Variants in SLC2A1 observed in about 807,000 individuals in gnomAD.
SLC2A1 encodes solute carrier family 2 member 1, also known as solute carrier family 2, facilitated glucose transporter member 1.
SLC2A1 carries 4 observed loss-of-function variants against 46.6 expected under a neutral mutation model. The ratio of observed to expected loss-of-function variants is 0.09; its 90% confidence interval spans 0.04 to 0.20. The LOEUF is 0.20. Among genes scored for constraint, SLC2A1 ranks in the 10% least tolerant of loss-of-function variants. SLC2A1 has a pLI of 1.00. For missense variants in SLC2A1, 352 were observed against 667.0 expected, an observed-to-expected ratio of 0.53 and a Z score of 5.20; for synonymous variants, 253 against 270.0, an observed-to-expected ratio of 0.94 and a Z score of 0.62.
chr1:42,958,864 C>T lies in SLC2A1; in HGVS notation c.-213G>A, dbSNP rs922494148. 2.4e-5 allele frequency: 13 copies of T among 546,770 alleles called. No individual in the cohort carries two copies. Among genetic ancestry groups the T allele is most frequent in the Middle Eastern group, 3.2e-4 (1 of 3,110 alleles). 33.9% of individuals were successfully genotyped at this position (546,770 alleles called of 1,614,324 possible). A position where few individuals can be genotyped will look rare whatever the true frequency, so the allele number is the denominator to read the frequency against. Reference sequence around the variant, plus strand: ...CACGCTCGCTGTTGCTACCTCTTGCCTCTTGCCAGAGAGCGCGCGGACCGT... The same window carrying T: ...CACGCTCGCTGTTGCTACCTCTTGCTTCTTGCCAGAGAGCGCGCGGACCGT... On this transcript the variant is annotated 5_prime_UTR_variant, in exon 1 of 10. Transcript: ENST00000426263.
At chr1:42,956,738 T>C (rs900229146) in intron 1 of SLC2A1, among the ~76,000 whole-genome samples, 3 of 152,246 alleles carry the variant, frequency 2.0e-5, no homozygotes, top group African/African-American at 7.2e-5. Flanking sequence ...TAGAACCAGC[T>C]GGCACAAGGG....
chr1:42,947,581 C>CAAAAAAAA (rs144784155), intron 1 of SLC2A1, among the ~76,000 whole-genome samples: 4 of 55,824 alleles, frequency 7.2e-5, no homozygotes, highest in African/African-American at 1.8e-4. Flanking sequence ...CACACACACA[C>CAAAAAAAA]AAAAAAAAAA....
rs953609680 is a variant in SLC2A1, at chr1:42,941,644, C to A, written c.114+1582G>T. Among the ~76,000 whole-genome samples the A allele has an allele frequency of 1.1e-4, 17 of 152,326 alleles. No homozygotes were observed. The East Asian group carries it at 1.4e-3, about 12-fold the overall frequency. On this transcript the variant is annotated intron_variant, in intron 2 of 9. Transcript: ENST00000426263. ...GGAAGCTTTTAATTGAATGCCCAAA[C>A]AGCATCCCAGACCAATTAAATCAGA...
intron 2 of SLC2A1, among the ~76,000 whole-genome samples, chr1:42,941,430 GCTTT>G (rs1643596832): frequency 6.6e-6 from 1 of 152,138 alleles, no homozygotes; most frequent in African/African-American, 2.4e-5. Flanking sequence ...TGAATGCCAG[GCTTT>G]CTGTCTTCTG....
chr1:42,940,570 T>C (rs1215596802), intron 2 of SLC2A1, among the ~76,000 whole-genome samples: 1 of 151,204 alleles, frequency 6.6e-6, no homozygotes, highest in African/African-American at 2.4e-5. Context: ...TTTCTAGCAA[T>C]GGGTTGTTCT....
At chr1:42,949,321 A>G (rs1643696095) in intron 1 of SLC2A1, among the ~76,000 whole-genome samples, 1 of 152,212 alleles carries the variant, frequency 6.6e-6, no homozygotes, top group Non-Finnish European at 1.5e-5. Flanking sequence ...CTGCTGTAAC[A>G]TCGGCACTTG....
At chr1:42,953,325 T>C (rs1416484283) in intron 1 of SLC2A1, among the ~76,000 whole-genome samples, 6 of 152,240 alleles carry the variant, frequency 3.9e-5, no homozygotes, top group Admixed American at 2.0e-4. Flanking sequence ...CTAATGTTTA[T>C]GCATCAGCTA....
intron 1 of SLC2A1, among the ~76,000 whole-genome samples, chr1:42,957,409 C>G (rs1452622521): frequency 1.3e-5 from 2 of 152,286 alleles, no homozygotes; most frequent in South Asian, 2.1e-4. Flanking sequence ...AGCGCCACCC[C>G]GCTCAGTCTC....
intron 1 of SLC2A1, among the ~76,000 whole-genome samples, chr1:42,951,463 T>G (rs1447482297): frequency 6.6e-6 from 1 of 152,230 alleles, no homozygotes; most frequent in African/African-American, 2.4e-5. Flanking sequence ...TGCCAGTATT[T>G]ACCTCTAAGG....
chr1:42,932,671 C>A (rs1047583524), intron 2 of SLC2A1, among the ~76,000 whole-genome samples: 1 of 152,206 alleles, frequency 6.6e-6, no homozygotes, highest in Non-Finnish European at 1.5e-5. Context: ...CCCTTCCAAC[C>A]CACTGAGGTC....
chr1:42,947,565 T>TACAC (rs373252084), intron 1 of SLC2A1, among the ~76,000 whole-genome samples: 3 of 89,754 alleles, frequency 3.3e-5, no homozygotes, highest in African/African-American at 1.4e-4. Flanking sequence ...CTACTAAAAT[T>TACAC]ACACACACAC....
At chr1:42,932,294 G>A (rs927694847) in intron 2 of SLC2A1, among the ~76,000 whole-genome samples, 3 of 136,584 alleles carry the variant, frequency 2.2e-5, no homozygotes, top group Non-Finnish European at 4.7e-5. Context: ...CAGCTCCCAC[G>A]GATGTGGTAG....
chr1:42,958,716 C>T lies in SLC2A1; in HGVS notation c.-65G>A. The T allele has an allele frequency of 2.0e-6, 3 of 1,493,902 alleles. No homozygotes were observed. Among genetic ancestry groups the T allele is most frequent in the Non-Finnish European group, 2.7e-6 (3 of 1,110,800 alleles). 92.5% of individuals were successfully genotyped at this position (1,493,902 alleles called of 1,614,324 possible). A position where few individuals can be genotyped will look rare whatever the true frequency, so the allele number is the denominator to read the frequency against. On this transcript the variant is annotated 5_prime_UTR_variant, in exon 1 of 10. Coordinates refer to ENST00000426263, the MANE Select transcript of SLC2A1 (RefSeq NM_006516.4). ...CGGGTGGCGACGGGCGTGCGAGCGG[C>T]GCTCTCCCGCTCAGGCTCGTGCTCC...
rs567958328 is a variant in SLC2A1 at position 42,932,049 on chromosome 1, CAT to C, written c.115-845_115-844del. ...GAGGGCCTGGTGTGACAAACTCACA[CAT>C]GTCACCCTTCAGAAGTGCTTGAAAG... is the stretch of plus-strand genomic sequence containing the variant. On this transcript the variant is annotated intron_variant, in intron 2 of 9. Transcript: ENST00000426263. 7.2e-5 allele frequency among the ~76,000 whole-genome samples: 11 copies of C among 152,236 alleles called. No individual in the cohort carries two copies. In the East Asian group the frequency reaches 9.7e-4, roughly 13 times the overall value.
intron 1 of SLC2A1, among the ~76,000 whole-genome samples, chr1:42,945,504 C>T (rs1643644425): frequency 1.3e-5 from 2 of 151,928 alleles, no homozygotes; most frequent in Non-Finnish European, 2.9e-5. Flanking sequence ...AGGCTAGGCA[C>T]GGTGGCTCAC....
intron 2 of SLC2A1, among the ~76,000 whole-genome samples, chr1:42,937,222 C>T (rs540747896): frequency 6.6e-6 from 1 of 152,350 alleles, no homozygotes; most frequent in South Asian, 2.1e-4. Flanking sequence ...AACCTCAGCA[C>T]GGAGATGGTC....
rs5031045 is a variant in SLC2A1, at chr1:42,940,443, T to C, written c.114+2783A>G. Among the ~76,000 whole-genome samples the C allele has an allele frequency of 4.6e-5, 7 of 152,334 alleles. No homozygotes were observed. In the East Asian group the frequency reaches 1.4e-3, roughly 29 times the overall value. On this transcript the variant is annotated intron_variant, in intron 2 of 9. Transcript: ENST00000426263. The stretch of plus-strand genomic sequence containing the variant: ...GTTCTAGGCACTAAGGACACGGCCG[T>C]GGACAAACCAGACAAATACCCTGGC...
chr1:42,939,880 G>A (rs1643578358), intron 2 of SLC2A1, among the ~76,000 whole-genome samples: 1 of 149,904 alleles, frequency 6.7e-6, no homozygotes, highest in Non-Finnish European at 1.5e-5. Context: ...TTGAACCCAG[G>A]AAGCGGAGGT....
chr1:42,931,642 A>G (rs1320429654), intron 2 of SLC2A1, among the ~76,000 whole-genome samples: 1 of 151,978 alleles, frequency 6.6e-6, no homozygotes, highest in African/African-American at 2.4e-5. Flanking sequence ...CCAGACCAAC[A>G]TGGTGAAACC....
Sources: allele counts gnomAD v4.1 joint callset (sites outside exome capture counted in the v4.1 genomes callset), GRCh38; gene constraint gnomAD v4.1.1; transcripts MANE v1.5; gene names NCBI Gene and HGNC (gene_info 2026-07-23, HGNC 2026-07-21).